Variants in RPH3AL observed in about 807,000 individuals in gnomAD.
RPH3AL encodes rabphilin 3A like (without C2 domains).
Under a neutral mutation model 43.1 loss-of-function variants are expected in RPH3AL, and 38 were observed. That is an observed-to-expected ratio of 0.88 (90% CI 0.68 to 1.15). The LOEUF (loss-of-function observed/expected upper bound fraction) is 1.15, where lower values mean the gene tolerates loss of function less well. Among genes scored for constraint, RPH3AL ranks in the 50% most tolerant of loss-of-function variants. RPH3AL has a pLI of 0.00. For synonymous variants in RPH3AL, 189 were observed against 176.3 expected (o/e 1.07, Z -0.57); for missense variants, 462 against 423.2 (o/e 1.09, Z -0.81).
intron 7 of RPH3AL, among the ~76,000 whole-genome samples, chr17:231,371 C>T (rs2041227030): frequency 6.6e-6 from 1 of 152,224 alleles, no homozygotes; most frequent in Admixed American, 6.5e-5. Context: ...GGTAGGGAGG[C>T]CTGCCTGCCC....
intron 6 of RPH3AL, among the ~76,000 whole-genome samples, chr17:270,234 C>G (rs1434824651): frequency 6.6e-6 from 1 of 152,204 alleles, no homozygotes; most frequent in East Asian, 1.9e-4. Context: ...AGAGGGGGCC[C>G]TCTGGCAAAG....
intron 5 of RPH3AL, among the ~76,000 whole-genome samples, chr17:285,263 C>T (rs1013171012): frequency 3.3e-5 from 5 of 152,288 alleles, no homozygotes; most frequent in African/African-American, 4.8e-5. Context: ...ACGTGACTCT[C>T]GGCTCCTTCA....
chr17:309,659 G>A (rs1191354947), intron 5 of RPH3AL, among the ~76,000 whole-genome samples: 5 of 147,210 alleles, frequency 3.4e-5, no homozygotes, highest in Admixed American at 3.3e-4. Flanking sequence ...GCCCCCTGCT[G>A]GGGGTCTGGG....
chr17:314,709 G>C (rs1291259185), intron 5 of RPH3AL, among the ~76,000 whole-genome samples: 2,751 of 112,984 alleles, frequency 0.024, 93 homozygotes, highest in Middle Eastern at 0.048. Flanking sequence ...TGTAGTCTCT[G>C]TGCTCCACCT....
At chr17:312,617 C>T (rs1268274595) in intron 5 of RPH3AL, among the ~76,000 whole-genome samples, 1 of 152,234 alleles carries the variant, frequency 6.6e-6, no homozygotes, top group Non-Finnish European at 1.5e-5. Flanking sequence ...AGGCAGGACC[C>T]TGAAGAGGTT....
At chr17:280,263 G>C (rs568158304) in intron 6 of RPH3AL, among the ~76,000 whole-genome samples, 1 of 152,270 alleles carries the variant, frequency 6.6e-6, no homozygotes, top group African/African-American at 2.4e-5. Flanking sequence ...TGGGGGACCA[G>C]AGCAGAGTCA....
chr17:273,292 T>C (rs78390677), intron 6 of RPH3AL, among the ~76,000 whole-genome samples: 211 of 8,024 alleles, frequency 0.026, 3 homozygotes, highest in Admixed American at 0.073. Flanking sequence ...CCAGCGAGGG[T>C]GACGTCAGGG....
intron 6 of RPH3AL, among the ~76,000 whole-genome samples, chr17:250,535 C>G (rs1555542097): frequency 6.7e-6 from 1 of 150,192 alleles, no homozygotes; most frequent in South Asian, 2.1e-4. Context: ...AGAGCCTTTA[C>G]TAAGCTCCAT....
chr17:252,301 A>C (rs868957318), intron 6 of RPH3AL, among the ~76,000 whole-genome samples: 57 of 152,050 alleles, frequency 3.7e-4, no homozygotes, highest in African/African-American at 1.3e-3. Flanking sequence ...TTCCTGAAAA[A>C]TACATACCTA....
chr17:278,277 C>T (rs956437570), intron 6 of RPH3AL, among the ~76,000 whole-genome samples: 2 of 152,166 alleles, frequency 1.3e-5, no homozygotes, highest in African/African-American at 4.8e-5. Flanking sequence ...CCATGTAAGA[C>T]GTGCCTTTCG....
At chr17:275,059 G>A (rs2042620779) in intron 6 of RPH3AL, among the ~76,000 whole-genome samples, 1 of 152,126 alleles carries the variant, frequency 6.6e-6, no homozygotes, top group Non-Finnish European at 1.5e-5. Context: ...AGGAGCATGA[G>A]CTGGTATTAA....
At chr17:311,313 T>G (rs2043641094) in intron 5 of RPH3AL, among the ~76,000 whole-genome samples, 2 of 152,186 alleles carry the variant, frequency 1.3e-5, no homozygotes, top group Admixed American at 1.3e-4. Flanking sequence ...CACGCCTCTG[T>G]GCTCCCCAGG....
rs1341667305 is a variant in RPH3AL, at chr17:319,567, G to C, written c.222-18C>G. 1.2e-6 allele frequency: 2 copies of C among 1,608,358 alleles called. No individual in the cohort carries two copies. The highest frequency in any genetic ancestry group is 2.7e-5 in the African/African-American group (2 of 74,880). On this transcript the variant is annotated intron_variant, in intron 4 of 9. Transcript: ENST00000331302. ...CCAGCCGCCTGCAGCACAGGACACA[G>C]AGTCAGAGGGACTGTGCTTCCTGCC...
intron 5 of RPH3AL, among the ~76,000 whole-genome samples, chr17:286,812 A>T (rs2042924149): frequency 6.6e-6 from 1 of 152,062 alleles, no homozygotes; most frequent in African/African-American, 2.4e-5. Flanking sequence ...TGCCTCATGC[A>T]CCCTGCAGCC....
At chr17:240,270 C>T (rs930005313) in intron 7 of RPH3AL, among the ~76,000 whole-genome samples, 2 of 149,728 alleles carry the variant, frequency 1.3e-5, no homozygotes, top group Non-Finnish European at 3.0e-5. Context: ...TTGTTGTAAG[C>T]TATTCTCCAC....
At chr17:310,953 C>T (rs1013095530) in intron 5 of RPH3AL, among the ~76,000 whole-genome samples, 3 of 152,128 alleles carry the variant, frequency 2.0e-5, no homozygotes, top group Non-Finnish European at 4.4e-5. Context: ...GATCATCTCC[C>T]TGGAGTCCCA....
At chr17:239,991 A>G (rs886633966) in intron 7 of RPH3AL, among the ~76,000 whole-genome samples, 5 of 152,180 alleles carry the variant, frequency 3.3e-5, no homozygotes, top group Non-Finnish European at 5.9e-5. Context: ...TAATCCTAGC[A>G]CTTTGGGAGG....
At chr17:329,858 C>T (rs2044708561) in intron 2 of RPH3AL, among the ~76,000 whole-genome samples, 1 of 152,194 alleles carries the variant, frequency 6.6e-6, no homozygotes, top group Non-Finnish European at 1.5e-5. Flanking sequence ...TTTTTACTTT[C>T]CAGAAATTGT....
At chr17:270,495 C>T (rs182587220) in intron 6 of RPH3AL, among the ~76,000 whole-genome samples, 76 of 152,280 alleles carry the variant, frequency 5.0e-4, no homozygotes, top group African/African-American at 1.8e-3. Context: ...AAGAGTCTCC[C>T]AGCTGGAAGA....
Sources: allele counts gnomAD v4.1 joint callset (sites outside exome capture counted in the v4.1 genomes callset), GRCh38; gene constraint gnomAD v4.1.1; transcripts MANE v1.5; gene names NCBI Gene and HGNC (gene_info 2026-07-23, HGNC 2026-07-21).